The following UTP20 variants were observed in gnomAD, a reference collection of about 807,000 sequenced individuals.
UTP20 encodes small subunit processome component 20 homolog.
In UTP20, 164 loss-of-function variants were observed where a neutral mutation model predicts 329.5. That is an observed-to-expected ratio of 0.50 (90% CI 0.44 to 0.57). The LOEUF (loss-of-function observed/expected upper bound fraction) is 0.57, where lower values mean the gene tolerates loss of function less well. UTP20 is among the 20% of genes least tolerant of loss of function. The probability of loss-of-function intolerance (pLI) is 0.00; values close to 1 mark genes in which losing one functional copy is unlikely to be tolerated. For missense variants in UTP20, 3,055 were observed against 3,284.2 expected (o/e 0.93, Z 1.71); for synonymous variants, 1,151 against 1,159.3 (o/e 0.99, Z 0.14).
Position 101,379,422 on chromosome 12 carries a change from C to A in UTP20, c.7448C>A (p.Ala2483Glu). 6.2e-7 allele frequency: 1 copy of A among 1,614,060 alleles called. No individual in the cohort carries two copies. The highest frequency in any genetic ancestry group is 8.5e-7 in the Non-Finnish European group (1 of 1,179,942). Residue 2483 changes from alanine to glutamate, a missense_variant, in exon 57 of 62, where the codon GCA (alanine) becomes GAA (glutamate). Ala to Glu is a moderately radical substitution (Grantham distance 107). This residue lies in a region of UTP20 where 273 missense variants were observed against 363.1 expected (regional missense o/e 0.75). Transcript: ENST00000261637. ...CCACACAACTGGGTGTGGCTCACAG[C>A]AGCCCAGATTTTTGGATTACTCTTT... is the stretch of plus-strand genomic sequence containing the variant. ...RHPHNWVWLT[A>E]AQIFGLLFAS...
rs1315092406 is a variant in UTP20, at chr12:101,306,770, A to C, written c.1995+9A>C. 1.9e-6 allele frequency: 3 copies of C among 1,598,184 alleles called. No homozygotes were observed. The highest frequency in any genetic ancestry group is 2.2e-5 in the East Asian group (1 of 44,578). ...TTCCAGAATCAATGGAGGTATTTTA[A>C]CTGTTTGAGTGGATAGGTTTTAAAA... On this transcript the variant is annotated intron_variant, in intron 17 of 61. Coordinates refer to ENST00000261637, the MANE Select transcript of UTP20 (RefSeq NM_014503.3).
intron 51 of UTP20, 59 bp from the exon 52 acceptor site, chr12:101,372,825 G>T: frequency 7.0e-7 from 1 of 1,426,330 alleles, no homozygotes; most frequent in South Asian, 1.2e-5. Context: ...AAGCAGCTTA[G>T]GAAACAGGAA....
At chr12:101,289,556 T>G (rs1430117393) in intron 6 of UTP20, among the ~76,000 whole-genome samples, 2 of 152,192 alleles carry the variant, frequency 1.3e-5, no homozygotes, top group Non-Finnish European at 2.9e-5. Context: ...AAGACTTATT[T>G]GTTGCTCACA....
chr12:101,368,824 A>G (rs1033143165), intron 48 of UTP20, among the ~76,000 whole-genome samples: 4 of 152,210 alleles, frequency 2.6e-5, no homozygotes, highest in African/African-American at 9.7e-5. Context: ...ACATCTCTAG[A>G]GTCAAACAGG....
At chr12:101,385,258 G>A (rs1020358213) in intron 60 of UTP20, among the ~76,000 whole-genome samples, 3 of 152,120 alleles carry the variant, frequency 2.0e-5, no homozygotes, top group Admixed American at 6.5e-5. Flanking sequence ...TTACTTTAAT[G>A]TCTTCAGGGC....
At chr12:101,363,068 G>A (rs1421559947) in intron 44 of UTP20, among the ~76,000 whole-genome samples, 2 of 116,982 alleles carry the variant, frequency 1.7e-5, no homozygotes, top group Non-Finnish European at 3.0e-5. Flanking sequence ...AGGAGCTGGA[G>A]GTTGCAATGA....
chr12:101,336,932 T>C (rs937837422), intron 29 of UTP20, among the ~76,000 whole-genome samples: 27 of 152,250 alleles, frequency 1.8e-4, no homozygotes, highest in Non-Finnish European at 3.1e-4. Context: ...CTGAATGGGC[T>C]CTTGCTAGGA....
chr12:101,375,889 C>G (rs957022411), intron 56 of UTP20, 133 bp downstream of exon 56: 2 of 582,160 alleles, frequency 3.4e-6, no homozygotes, highest in East Asian at 3.1e-5. Flanking sequence ...GAGAAAAAAC[C>G]TAAAAGGTTC....
intron 56 of UTP20, among the ~76,000 whole-genome samples, chr12:101,377,563 C>A (rs922739386): frequency 6.6e-6 from 1 of 152,108 alleles, no homozygotes; most frequent in East Asian, 1.9e-4. Context: ...ATCTCTTGAC[C>A]TCATGATCCG....
Position 101,321,588 on chromosome 12 carries a change from GA to G in UTP20, c.3004del (p.Thr1002GlnfsTer11). ...FSISEDNAVV[K>X]TAHRADLFPI... ...GCATTTCAGAAGATAATGCTGTAGTGAAAACAGCCCACCGAGCAGATCTATT... is the reference window on the plus strand; with the variant it reads ...GCATTTCAGAAGATAATGCTGTAGTGAAACAGCCCACCGAGCAGATCTATT... On this transcript the variant is annotated frameshift_variant, in exon 25 of 62. Transcript: ENST00000261637. LOFTEE classifies it high-confidence loss of function. 1 of 1,613,604 alleles carries G rather than the reference GA, an allele frequency of 6.2e-7. No homozygotes were observed. Among genetic ancestry groups the G allele is most frequent in the Non-Finnish European group, 8.5e-7 (1 of 1,179,774 alleles).
chr12:101,287,778 CTG>C (rs1872007713), intron 5 of UTP20, among the ~76,000 whole-genome samples: 1 of 152,236 alleles, frequency 6.6e-6, no homozygotes, highest in Non-Finnish European at 1.5e-5. Context: ...TTATTGGACA[CTG>C]TCTGTATGTC....
At position 101,319,555 on chromosome 12, in the gene UTP20, G is replaced by T; in HGVS notation, c.2749G>T (p.Ala917Ser). ...TRRAAAKQLI[A>S]HLQVFSKFSN... ...TTTGTTTTTGTTTAGGCAATTAATT[G>T]CTCATTTGCAAGTTTTCTCTAAATT... The change falls in exon 23 of 62, where the codon GCT (alanine) becomes TCT (serine). Residue 917 changes from alanine to serine, a missense_variant. This residue lies in a region of UTP20 where 2,445 missense variants were observed against 2,575.5 expected (regional missense o/e 0.95). Transcript: ENST00000261637. 6.2e-7 allele frequency: 1 copy of T among 1,603,758 alleles called. No homozygotes were observed. The highest frequency in any genetic ancestry group is 1.3e-5 in the African/African-American group (1 of 74,432).
At chr12:101,380,771 G>C (rs1033703199) in intron 57 of UTP20, among the ~76,000 whole-genome samples, 22 of 151,106 alleles carry the variant, frequency 1.5e-4, no homozygotes, top group African/African-American at 5.4e-4. Flanking sequence ...GGCTAAGGCA[G>C]GAGAATTGCT....
At chr12:101,290,049 A>G in intron 6 of UTP20, 88 bp from the exon 7 acceptor site, 3 of 1,050,128 alleles carry the variant, frequency 2.9e-6, no homozygotes, top group Non-Finnish European at 3.9e-6. Context: ...TATTTAAATA[A>G]CAATATATAG....
chr12:101,298,734 A>AT (rs1469503473), intron 12 of UTP20, among the ~76,000 whole-genome samples: 1 of 152,216 alleles, frequency 6.6e-6, no homozygotes, highest in Non-Finnish European at 1.5e-5. Flanking sequence ...AAGACTATAT[A>AT]TATCAAGATG....
chr12:101,341,388 A>G (rs964030554), intron 32 of UTP20, among the ~76,000 whole-genome samples: 3 of 152,150 alleles, frequency 2.0e-5, no homozygotes, highest in South Asian at 2.1e-4. Flanking sequence ...CCCTAGTTCA[A>G]TCTTAATTAG....
chr12:101,342,299 A>C (rs12578425), intron 32 of UTP20, 147 bp from the exon 33 acceptor site: 10,649 of 634,774 alleles, frequency 0.017, 211 homozygotes, highest in East Asian at 0.082. Flanking sequence ...AAATGCTAAA[A>C]ACTTTTAAAA....
intron 12 of UTP20, among the ~76,000 whole-genome samples, chr12:101,295,987 G>C (rs187117309): frequency 1.3e-5 from 2 of 152,132 alleles, no homozygotes; most frequent in African/African-American, 4.8e-5. Flanking sequence ...GTAGATTCAC[G>C]TGCAGTTGCA....
rs573079112 is a variant in UTP20 at position 101,374,809 on chromosome 12, G to A, written c.7133G>A (p.Arg2378His). 1.3e-5 allele frequency: 13 copies of A among 1,010,194 alleles called. No individual in the cohort carries two copies. Among genetic ancestry groups the A allele is most frequent in the South Asian group, 5.1e-5 (4 of 79,016 alleles). The allele number at this position is 1,010,194 out of a possible 1,614,324, so 62.6% of individuals were successfully genotyped here. A position where few individuals can be genotyped will look rare whatever the true frequency, so the allele number is the denominator to read the frequency against. ...MVTTWFGAKK[R>H]LNRQLAALIC... The stretch of plus-strand genomic sequence containing the variant: ...TGTCTTGTGGTTTATTTTTGGTAGC[G>A]CTTAAATAGACAACTTGCTGCCCTG... The change falls in exon 55 of 62, where the codon CGC (arginine) becomes CAC (histidine). Residue 2378 changes from arginine (R) to histidine (H), a missense_variant and splice_region_variant. By Grantham distance (29) the Arg-to-His change is conservative (BLOSUM62 0). This residue lies in a region of UTP20 where 273 missense variants were observed against 363.1 expected (regional missense o/e 0.75). Coordinates refer to ENST00000261637, the MANE Select transcript of UTP20 (RefSeq NM_014503.3).
Sources: allele counts gnomAD v4.1 joint callset (sites outside exome capture counted in the v4.1 genomes callset), GRCh38; gene constraint gnomAD v4.1.1; regional missense constraint gnomAD v4.1.1; transcripts MANE v1.5; gene names NCBI Gene and HGNC (gene_info 2026-07-23, HGNC 2026-07-21).